NPAS3: variants seen among roughly 807,000 people sequenced by gnomAD.
NPAS3 encodes the protein neuronal PAS domain-containing protein 3.
Under a neutral mutation model 73.1 loss-of-function variants are expected in NPAS3, and 14 were observed. That is an observed-to-expected ratio of 0.19 (90% CI 0.13 to 0.30). The LOEUF is 0.30. Among genes scored for constraint, NPAS3 ranks in the 10% least tolerant of loss-of-function variants. The pLI, the probability that NPAS3 is intolerant of heterozygous loss-of-function variation, is 1.00. For synonymous variants in NPAS3, 620 were observed against 541.5 expected (o/e 1.14, Z -2.01); for missense variants, 1,096 against 1,250.0 (o/e 0.88, Z 1.86).
chr14:33,316,264 G>C (rs1014274854), intron 3 of NPAS3, among the ~76,000 whole-genome samples: 3 of 152,050 alleles, frequency 2.0e-5, no homozygotes, highest in African/African-American at 7.2e-5. Flanking sequence ...GAAGTCAACA[G>C]ATTTTTTTAA....
chr14:33,401,788 A>G (rs1222492163), intron 4 of NPAS3, among the ~76,000 whole-genome samples: 1 of 152,134 alleles, frequency 6.6e-6, no homozygotes, highest in Non-Finnish European at 1.5e-5. Flanking sequence ...CACCCAGTAC[A>G]CTGAAGAATG....
intron 4 of NPAS3, among the ~76,000 whole-genome samples, chr14:33,407,827 A>T (rs1458284271): frequency 1.3e-5 from 2 of 152,170 alleles, no homozygotes; most frequent in African/African-American, 4.8e-5. Context: ...TGCAATCCCA[A>T]ATGAACACTT....
intron 5 of NPAS3, among the ~76,000 whole-genome samples, chr14:33,617,730 C>T (rs1206981387): frequency 6.6e-6 from 1 of 152,164 alleles, no homozygotes; most frequent in Non-Finnish European, 1.5e-5. Context: ...CGATCAAGGG[C>T]TGTGCCACAT....
chr14:33,652,979 G>C (rs1249729212), intron 5 of NPAS3, among the ~76,000 whole-genome samples: 3 of 152,330 alleles, frequency 2.0e-5, no homozygotes, highest in Admixed American at 1.3e-4. Context: ...GTGAAAAGCT[G>C]TTTTAATGGT....
At chr14:33,541,351 A>G (rs1012540848) in intron 4 of NPAS3, among the ~76,000 whole-genome samples, 2 of 152,196 alleles carry the variant, frequency 1.3e-5, no homozygotes, top group African/African-American at 4.8e-5. Context: ...TTTATTCATG[A>G]TGCTAAATCA....
At chr14:33,358,257 A>G (rs1199877788) in intron 3 of NPAS3, among the ~76,000 whole-genome samples, 2 of 152,058 alleles carry the variant, frequency 1.3e-5, no homozygotes, top group Non-Finnish European at 2.9e-5. Flanking sequence ...GGGAGAGAGA[A>G]TTGTAAAGTT....
intron 2 of NPAS3, among the ~76,000 whole-genome samples, chr14:33,185,556 A>G (rs1163100935): frequency 6.6e-6 from 1 of 152,188 alleles, no homozygotes; most frequent in Non-Finnish European, 1.5e-5. Flanking sequence ...GGTATTATAT[A>G]GGAATGGTGG....
intron 3 of NPAS3, among the ~76,000 whole-genome samples, chr14:33,224,473 C>T (rs2047548720): frequency 6.6e-6 from 1 of 152,040 alleles, no homozygotes; most frequent in African/African-American, 2.4e-5. Flanking sequence ...CAGATCCTTT[C>T]TGGGTCCATA....
intron 1 of NPAS3, among the ~76,000 whole-genome samples, chr14:33,020,761 T>C (rs78874862): frequency 2.1e-3 from 319 of 150,674 alleles, no homozygotes; most frequent in African/African-American, 7.6e-3. Flanking sequence ...CCAACGTTTT[T>C]GTTTCTTTTT....
exon 6 of NPAS3, chr14:33,676,263 T>C: frequency 6.2e-7 from 1 of 1,613,726 alleles, no homozygotes; most frequent in South Asian, 1.1e-5. Flanking sequence ...GGAGATCACG[T>C]GGAGATGGCT....
chr14:33,345,330 C>G (rs2044676655), intron 3 of NPAS3, among the ~76,000 whole-genome samples: 1 of 152,170 alleles, frequency 6.6e-6, no homozygotes, highest in African/African-American at 2.4e-5. Flanking sequence ...AGGGCCCAAA[C>G]ATCAAATTGC....
At chr14:33,687,722 T>G (rs1479744097) in intron 6 of NPAS3, among the ~76,000 whole-genome samples, 1 of 152,254 alleles carries the variant, frequency 6.6e-6, no homozygotes, top group African/African-American at 2.4e-5. Flanking sequence ...GTCTATAGTT[T>G]AGGTACACAA....
chr14:33,087,115 ATAGTAT>A (rs2138770250), intron 2 of NPAS3, among the ~76,000 whole-genome samples: 1 of 146,174 alleles, frequency 6.8e-6, no homozygotes, highest in East Asian at 2.0e-4. Flanking sequence ...ATTGTATAAT[ATAGTAT>A]ACAATATAAT....
Position 33,800,387 on chromosome 14 carries a change from C to A in NPAS3, c.2080C>A (p.Pro694Thr). The change falls in exon 12 of 12, where the codon CCG becomes ACG. Residue 694 changes from proline (P) to threonine (T), a missense_variant. Physicochemically the swap from Pro to Thr is conservative, Grantham distance 38. Coordinates refer to ENST00000356141, the Ensembl canonical transcript of NPAS3. This position sits in a 1 kb window ranked among gnomAD's most constrained non-coding sequence, Gnocchi z 6.5. ...CCCCAGCTCTGAGCACTTCCCGTCCCCGCAGGGCGGCGGCGGTGGGGGTGG... is the reference window on the plus strand; with the variant it reads ...CCCCAGCTCTGAGCACTTCCCGTCCACGCAGGGCGGCGGCGGTGGGGGTGG... 2 of 1,606,520 alleles carry A rather than the reference C, an allele frequency of 1.2e-6. No homozygotes were observed. Among genetic ancestry groups the A allele is most frequent in the Non-Finnish European group, 1.7e-6 (2 of 1,177,794 alleles).
intron 1 of NPAS3, among the ~76,000 whole-genome samples, chr14:33,049,217 C>G (rs188239096): frequency 6.6e-6 from 1 of 152,214 alleles, no homozygotes; most frequent in African/African-American, 2.4e-5. Flanking sequence ...TGGATACAAC[C>G]CTTTATGTTG....
At chr14:33,793,762 G>A (rs2063432624) in intron 9 of NPAS3, 135 bp from the exon 10 acceptor site, 3 of 683,520 alleles carry the variant, frequency 4.4e-6, no homozygotes, top group Non-Finnish European at 7.1e-6. Context: ...TCTATATTAA[G>A]CATACAGAGG....
chr14:33,094,490 G>T (rs2042338598), intron 2 of NPAS3, among the ~76,000 whole-genome samples: 1 of 145,508 alleles, frequency 6.9e-6, no homozygotes, highest in Admixed American at 6.8e-5. Context: ...TTTTGAGATG[G>T]AGTCTCACTC....
At chr14:33,571,677 G>A (rs551244487) in intron 5 of NPAS3, among the ~76,000 whole-genome samples, 1 of 152,320 alleles carries the variant, frequency 6.6e-6, no homozygotes, top group Non-Finnish European at 1.5e-5. Context: ...CCTAGCAATT[G>A]CCTGCTAAGA....
chr14:32,999,241 G>A (rs1219688340), intron 1 of NPAS3, among the ~76,000 whole-genome samples: 4 of 152,146 alleles, frequency 2.6e-5, no homozygotes, highest in South Asian at 2.1e-4. Context: ...GCCGGGTGCG[G>A]TGGCTCATGC....
Sources: gnomAD v4.1 joint callset for allele counts (sites outside exome capture counted in the v4.1 genomes callset) on GRCh38, gnomAD v4.1.1 for gene constraint, Gnocchi (gnomAD v3.1) non-coding constraint, MANE v1.5 for transcripts, NCBI Gene and HGNC (gene_info 2026-07-23, HGNC 2026-07-21) for gene names.